Variants in RSKR observed in about 807,000 individuals in gnomAD.
RSKR encodes ribosomal protein S6 kinase related, also known as ribosomal protein S6 kinase-related protein.
In RSKR, 44 loss-of-function variants were observed where a neutral mutation model predicts 56.8. That is an observed-to-expected ratio of 0.77 (90% confidence interval 0.61 to 1.00). The LOEUF (loss-of-function observed/expected upper bound fraction) is 1.00, where lower values mean the gene tolerates loss of function less well. RSKR is among the 50% of genes least tolerant of loss of function. The pLI is 0.00. For synonymous variants in RSKR, 181 were observed against 188.0 expected (o/e 0.96, Z 0.30); for missense variants, 510 against 506.9 (o/e 1.01, Z -0.06).
rs981864170 is a variant in RSKR at position 28,610,365 on chromosome 17, C to T, written c.*113G>A. 30 of 980,162 alleles carry T rather than the reference C, an allele frequency of 3.1e-5. No individual in the cohort carries two copies. Among genetic ancestry groups the T allele is most frequent in the Admixed American group, 1.4e-4 (6 of 43,072 alleles). 60.7% of individuals were successfully genotyped at this position (980,162 alleles called of 1,614,324 possible). On this transcript the variant is annotated 3_prime_UTR_variant, in exon 12 of 12. Transcript: ENST00000301037. ...TGGTCTAAAGCCTAGGAGAGCAGAA[C>T]GGTAAGAGGCTACAAAATAAAAACA... is the stretch of plus-strand genomic sequence containing the variant.
At chr17:28,614,029 C>CTCAA in intron 1 of RSKR, 58 bp downstream of exon 1, 1 of 1,591,674 alleles carries the variant, frequency 6.3e-7, no homozygotes, top group Non-Finnish European at 8.6e-7. Context: ...CTTCCCAGGA[C>CTCAA]TCAAGCCCAT....
Position 28,613,078 on chromosome 17 carries a change from C to T in RSKR, c.477G>A (p.Gln159=). Residue 159 remains glutamine, a splice_region_variant and synonymous_variant, in exon 4 of 12, where the codon CAG becomes CAA. Coordinates refer to ENST00000301037, the MANE Select transcript of RSKR (RefSeq NM_001174103.2). ...VRQCKEEVSI[Q]RQINHPFVHS... is the part of the protein sequence containing the mutation. ...ATCCTTTCCAGGACTCTGTGCATAC[C>T]TGGATGCTAACCTCCTCTTTGCACT... 1 of 1,614,086 alleles carries T rather than the reference C, an allele frequency of 6.2e-7. No homozygotes were observed. Among genetic ancestry groups the T allele is most frequent in the Non-Finnish European group, 8.5e-7 (1 of 1,180,006 alleles).
Position 28,613,069 on chromosome 17 carries a change from T to C in RSKR, c.477+9A>G, listed in dbSNP as rs1396189213. On this transcript the variant is annotated intron_variant, in intron 4 of 11. Transcript: ENST00000301037. ...CTTCCCACAATCCTTTCCAGGACTC[T>C]GTGCATACCTGGATGCTAACCTCCT... The C allele has an allele frequency of 1.2e-6, 2 of 1,613,774 alleles. No homozygotes were observed. The highest frequency in any genetic ancestry group is 1.7e-6 in the Non-Finnish European group (2 of 1,179,792).
rs1355129531 is a variant in RSKR at position 28,613,583 on chromosome 17, G to GC, written c.180dup (p.His61AlafsTer39). ...AGGGATTCCTGGTGCAGATAGTGGT[G>GC]CCCCCGTAGTTCCCAGAGTTCTTCC... On this transcript the variant is annotated frameshift_variant, in exon 2 of 12. Transcript: ENST00000301037. LOFTEE classifies it high-confidence loss of function. 1.7e-5 allele frequency: 28 copies of GC among 1,614,156 alleles called. No individual in the cohort carries two copies. The highest frequency in any genetic ancestry group is 2.4e-5 in the Non-Finnish European group (28 of 1,180,040).
intron 1 of RSKR, 83 bp downstream of exon 1, chr17:28,614,004 G>C (rs2151533058): frequency 6.5e-7 from 1 of 1,541,822 alleles, no homozygotes; most frequent in East Asian, 2.3e-5. Flanking sequence ...TCACTTCCAT[G>C]CTCCTAACCA....
At position 28,610,213 on chromosome 17, in the gene RSKR, G is replaced by GTCGCCGT; in HGVS notation, c.*264_*265insACGGCGA. ...GACAGCCTGAGGGTAAAGAGCACTGGAGAAGTAAAGAAAAGGAAAAGGTCA... is the reference window on the plus strand; with the variant it reads ...GACAGCCTGAGGGTAAAGAGCACTGGTCGCCGTAGAAGTAAAGAAAAGGAAAAGGTCA... On this transcript the variant is annotated 3_prime_UTR_variant, in exon 12 of 12. Coordinates refer to ENST00000301037, the MANE Select transcript of RSKR (RefSeq NM_001174103.2). The GTCGCCGT allele has an allele frequency of 2.2e-6, 1 of 444,622 alleles. No individual in the cohort carries two copies. Among genetic ancestry groups the GTCGCCGT allele is most frequent in the Non-Finnish European group, 4.1e-6 (1 of 244,408 alleles). The allele number at this position is 444,622 out of a possible 1,614,324, so 27.5% of individuals were successfully genotyped here. A position where few individuals can be genotyped will look rare whatever the true frequency, so the allele number is the denominator to read the frequency against.
rs1327040857 is a variant in RSKR at position 28,613,323 on chromosome 17, C to G, written c.347G>C (p.Gly116Ala). Residue 116 changes from glycine to alanine, a missense_variant, in exon 3 of 12, where the codon GGC (glycine) becomes GCC (alanine). Physicochemically the swap from Gly to Ala is moderately conservative, Grantham distance 60 (BLOSUM62 0). Coordinates refer to ENST00000301037, the MANE Select transcript of RSKR (RefSeq NM_001174103.2). ...CACCTTGAGGACAGTTCCAAAGGAG[C>G]CTTTAGCCACGAGGCCTAAAATCTG... ...QLKILGLVAK[G>A]SFGTVLKVLD... The G allele has an allele frequency of 1.9e-6, 3 of 1,614,242 alleles. No homozygotes were observed. Among genetic ancestry groups the G allele is most frequent in the Non-Finnish European group, 2.5e-6 (3 of 1,180,056 alleles).
In RSKR at chr17:28,613,229, A is replaced by C. The variant is rs557391562; in HGVS notation, c.408+33T>G. ...CCAACCTCTCTGGAATCAAGATTGGAAACAGAGACTAATGTGGTATCTACG... is the reference window on the plus strand; with the variant it reads ...CCAACCTCTCTGGAATCAAGATTGGCAACAGAGACTAATGTGGTATCTACG... On this transcript the variant is annotated intron_variant, in intron 3 of 11. Coordinates refer to ENST00000301037, the MANE Select transcript of RSKR (RefSeq NM_001174103.2). 24 of 1,613,508 alleles carry C rather than the reference A, an allele frequency of 1.5e-5. No homozygotes were observed. In the Admixed American group the frequency reaches 3.7e-4, roughly 25 times the overall value.
intron 1 of RSKR, 33 bp downstream of exon 1, chr17:28,614,054 C>G (rs756880478): frequency 6.2e-7 from 1 of 1,603,960 alleles, no homozygotes; most frequent in Non-Finnish European, 8.5e-7. Context: ...CCCTCTCCTC[C>G]CCTCAGTAGG....
rs1178654075 is a variant in RSKR, at chr17:28,613,685, C to A, written c.79G>T (p.Gly27Cys). 1.2e-6 allele frequency: 2 copies of A among 1,613,946 alleles called. No individual in the cohort carries two copies. The stretch of plus-strand genomic sequence containing the variant: ...GCCCAGGGACCCCGGATGTTGCCAC[C>A]CTGCTGAGAACCAAGGGAGCCACTC... ...HTRVAVPHKQ[G>C]GNIRGPWARG... Residue 27 changes from glycine to cysteine, a missense_variant, in exon 2 of 12, where the codon GGT becomes TGT. Coordinates refer to ENST00000301037, the MANE Select transcript of RSKR (RefSeq NM_001174103.2).
chr17:28,611,315 C>A, intron 10 of RSKR, 62 bp from the exon 11 acceptor site: 1 of 1,529,462 alleles, frequency 6.5e-7, no homozygotes, highest in Non-Finnish European at 8.8e-7. Context: ...AGGAATACGG[C>A]AAGATTTCCT....
chr17:28,612,536 C>A, intron 5 of RSKR, 82 bp downstream of exon 5: 1 of 1,499,908 alleles, frequency 6.7e-7, no homozygotes. Context: ...AGAGCAAAGG[C>A]AGAACAAGCC....
intron 1 of RSKR, 75 bp from the exon 2 acceptor site, chr17:28,613,763 C>G: frequency 6.3e-7 from 1 of 1,583,398 alleles, no homozygotes; most frequent in African/African-American, 1.3e-5. Flanking sequence ...ACTAGGCACT[C>G]CCTCCCCTTA....
In RSKR at chr17:28,608,767, A is replaced by G. The variant is rs2070775505; in HGVS notation, c.*1711T>C. On this transcript the variant is annotated 3_prime_UTR_variant, in exon 12 of 12. Transcript: ENST00000301037. ...GCTATGCATGGGGAAATCTGGCTCAATCTAGAGACAAAATTAATAAATAGA... is the reference window on the plus strand; with the variant it reads ...GCTATGCATGGGGAAATCTGGCTCAGTCTAGAGACAAAATTAATAAATAGA... The G allele has an allele frequency of 6.6e-6, 1 of 152,218 alleles. No homozygotes were observed. The highest frequency in any genetic ancestry group is 1.5e-5 in the Non-Finnish European group (1 of 68,042). 9.4% of individuals were successfully genotyped at this position (152,218 alleles called of 1,614,324 possible).
rs2070776160 is a variant in RSKR, at chr17:28,608,829, G to A, written c.*1649C>T. On this transcript the variant is annotated 3_prime_UTR_variant, in exon 12 of 12. Transcript: ENST00000301037. ...CTCTCCAGACTGTCTTTTGTCTAGA[G>A]AGATTAGATGTAACTAAATAATATG... 1 of 152,086 alleles carries A rather than the reference G, an allele frequency of 6.6e-6. No homozygotes were observed. The highest frequency in any genetic ancestry group is 2.4e-5 in the African/African-American group (1 of 41,418). The allele number at this position is 152,086 out of a possible 1,614,324, so 9.4% of individuals were successfully genotyped here. A position where few individuals can be genotyped will look rare whatever the true frequency, so the allele number is the denominator to read the frequency against.
rs1473611372 is a variant in RSKR at position 28,608,627 on chromosome 17, A to ATT, written c.*1849_*1850dup. ...CACCTCAGCCTCCCAAAGTGCTGGGATTACAAGTGTGAGCCACCACACCTG... is the reference window on the plus strand; with the variant it reads ...CACCTCAGCCTCCCAAAGTGCTGGGATTTTACAAGTGTGAGCCACCACACCTG... On this transcript the variant is annotated 3_prime_UTR_variant, in exon 12 of 12. Transcript: ENST00000301037. 2 of 152,168 alleles carry ATT rather than the reference A, an allele frequency of 1.3e-5. No individual in the cohort carries two copies. Among genetic ancestry groups the ATT allele is most frequent in the Non-Finnish European group, 2.9e-5 (2 of 68,036 alleles). 9.4% of individuals were successfully genotyped at this position (152,168 alleles called of 1,614,324 possible).
rs970679963 is a variant in RSKR at position 28,609,075 on chromosome 17, C to G, written c.*1403G>C. ...TTTTTTTTTTTGAGACAGAGTCTAC[C>G]TCTGTCACCCAGGAGTTCAATGGCA... On this transcript the variant is annotated 3_prime_UTR_variant, in exon 12 of 12. Coordinates refer to ENST00000301037, the MANE Select transcript of RSKR (RefSeq NM_001174103.2). The G allele has an allele frequency of 7.5e-6, 1 of 133,908 alleles. No homozygotes were observed. Among genetic ancestry groups the G allele is most frequent in the East Asian group, 2.2e-4 (1 of 4,636 alleles). 8.3% of individuals were successfully genotyped at this position (133,908 alleles called of 1,614,324 possible).
rs1349449006 is a variant in RSKR, at chr17:28,609,663, T to C, written c.*815A>G. The stretch of plus-strand genomic sequence containing the variant: ...TTCACAGGCTGGGTGTGGAGGCTCA[T>C]GCCTGTGAAGGTTGCAGTGAGCTGA... On this transcript the variant is annotated 3_prime_UTR_variant, in exon 12 of 12. Coordinates refer to ENST00000301037, the MANE Select transcript of RSKR (RefSeq NM_001174103.2). 6.8e-6 allele frequency: 1 copy of C among 146,420 alleles called. No homozygotes were observed. The highest frequency in any genetic ancestry group is 2.5e-5 in the African/African-American group (1 of 39,244). 9.1% of individuals were successfully genotyped at this position (146,420 alleles called of 1,614,324 possible).
At chr17:28,612,438 C>A in intron 5 of RSKR, 72 bp from the exon 6 acceptor site, 1 of 1,497,162 alleles carries the variant, frequency 6.7e-7, no homozygotes. Context: ...AATGCCTGGG[C>A]TCAAGGCATT....
Sources: gnomAD v4.1 joint callset for allele counts on GRCh38, gnomAD v4.1.1 for gene constraint, MANE v1.5 for transcripts, NCBI Gene and HGNC (gene_info 2026-07-23, HGNC 2026-07-21) for gene names.